SLC9A9: variants seen among roughly 807,000 people sequenced by gnomAD.
The protein encoded by SLC9A9 is solute carrier family 9 member A9.
SLC9A9 carries 62 observed loss-of-function variants against 77.8 expected under a neutral mutation model. That is an observed-to-expected ratio of 0.80 (90% CI 0.65 to 0.98). The LOEUF (loss-of-function observed/expected upper bound fraction) is 0.98. Among genes scored for constraint, SLC9A9 ranks in the 50% least tolerant of loss-of-function variants. SLC9A9 has a pLI of 0.00. For missense variants in SLC9A9, 775 were observed against 774.9 expected (o/e 1.00, Z 0.00); for synonymous variants, 320 against 283.5 (o/e 1.13, Z -1.29).
intron 14 of SLC9A9, among the ~76,000 whole-genome samples, chr3:143,333,875 G>GT (rs1244398699): frequency 1.3e-5 from 2 of 150,934 alleles, no homozygotes; most frequent in Non-Finnish European, 2.9e-5. Context: ...CTTTCCAGTT[G>GT]TTTTTTGTGG....
At chr3:143,817,144 TA>T (rs1358663210) in intron 2 of SLC9A9, among the ~76,000 whole-genome samples, 19 of 99,002 alleles carry the variant, frequency 1.9e-4, no homozygotes, top group South Asian at 4.4e-4. Context: ...TTTTTTTTTT[TA>T]TTTTTTTTTT....
rs78698200 is a variant in SLC9A9 at position 143,407,209 on chromosome 3, C to T, written c.1470-25095G>A. Among the ~76,000 whole-genome samples, 1,504 of 152,224 alleles carry T rather than the reference C, an allele frequency of 9.9e-3. 24 individuals carry two copies. The highest frequency in any genetic ancestry group is 0.035 in the African/African-American group (1,439 of 41,530). On this transcript the variant is annotated intron_variant, in intron 12 of 15. Coordinates refer to ENST00000316549, the MANE Select transcript of SLC9A9 (RefSeq NM_173653.4). ...AGAACACAATTGAGAATTCAGATCT[C>T]ATTTCTCATTTCTTACCTATATGGC...
chr3:143,367,196 C>T (rs1225804740), intron 13 of SLC9A9, among the ~76,000 whole-genome samples: 3 of 152,214 alleles, frequency 2.0e-5, no homozygotes, highest in African/African-American at 7.2e-5. Context: ...ATGGGAGCAA[C>T]ATACATTAGG....
intron 12 of SLC9A9, among the ~76,000 whole-genome samples, chr3:143,461,145 C>G (rs2035184117): frequency 6.6e-6 from 1 of 151,950 alleles, no homozygotes; most frequent in Admixed American, 6.6e-5. Context: ...TAAAAAGTTC[C>G]CAAGCAAAGA....
At chr3:143,640,801 G>A (rs191823926) in intron 6 of SLC9A9, among the ~76,000 whole-genome samples, 36 of 152,242 alleles carry the variant, frequency 2.4e-4, no homozygotes, top group East Asian at 1.2e-3. Flanking sequence ...GCAGTGAGCC[G>A]AGATCGTGCC....
At chr3:143,838,704 C>T (rs1013763293) in intron 1 of SLC9A9, among the ~76,000 whole-genome samples, 5 of 152,094 alleles carry the variant, frequency 3.3e-5, no homozygotes, top group African/African-American at 1.2e-4. Flanking sequence ...GAACTTTGTA[C>T]AATGCAAGAC....
chr3:143,706,441 C>T (rs1032359193), intron 4 of SLC9A9, among the ~76,000 whole-genome samples: 1 of 150,580 alleles, frequency 6.6e-6, no homozygotes, highest in Non-Finnish European at 1.5e-5. Flanking sequence ...ATCCATTTGG[C>T]CCACTCTACT....
chr3:143,842,425 AC>A (rs1230102218), intron 1 of SLC9A9, among the ~76,000 whole-genome samples: 7 of 152,330 alleles, frequency 4.6e-5, no homozygotes, highest in South Asian at 2.1e-4. Flanking sequence ...ACATAAAAAA[AC>A]ATACAGAGTG....
intron 2 of SLC9A9, among the ~76,000 whole-genome samples, chr3:143,801,880 C>T (rs2008572057): frequency 6.6e-6 from 1 of 152,148 alleles, no homozygotes; most frequent in Non-Finnish European, 1.5e-5. Context: ...GTTATATAGG[C>T]TGAAAGAGGT....
chr3:143,309,466 C>G lies in SLC9A9; in HGVS notation c.1605-40486G>C, dbSNP rs763808470. Among the ~76,000 whole-genome samples the G allele has an allele frequency of 6.5e-4, 96 of 148,756 alleles. 2 individuals are homozygous for G. The highest frequency in any genetic ancestry group is 1.1e-3 in the Admixed American group (16 of 14,960). The stretch of plus-strand genomic sequence containing the variant: ...TTGGGGTCACCAGATGATTTTTTTC[C>G]AAGTATGTCTCCATTTTTCTCAAAC... On this transcript the variant is annotated intron_variant, in intron 14 of 15. Coordinates refer to ENST00000316549, the MANE Select transcript of SLC9A9 (RefSeq NM_173653.4).
At position 143,643,447 on chromosome 3, in the gene SLC9A9, A is replaced by G. The variant is rs118010264; in HGVS notation, c.755+8808T>C. ...AGAGCTTTGCTCAAGTTGTATTACC[A>G]TGAGTGAACCTTTAGACAGGGTTCT... On this transcript the variant is annotated intron_variant, in intron 6 of 15. Transcript: ENST00000316549. Among the ~76,000 whole-genome samples, 79 of 152,348 alleles carry G rather than the reference A, an allele frequency of 5.2e-4. 2 individuals are homozygous for G. The East Asian group carries it at 0.012, about 23-fold the overall frequency.
At chr3:143,806,576 A>G (rs2008719233) in intron 2 of SLC9A9, among the ~76,000 whole-genome samples, 1 of 152,204 alleles carries the variant, frequency 6.6e-6, no homozygotes, top group Non-Finnish European at 1.5e-5. Context: ...TACCCACATC[A>G]CAGGTAAGGA....
At chr3:143,301,024 G>A (rs1200822203) in intron 14 of SLC9A9, among the ~76,000 whole-genome samples, 1 of 152,136 alleles carries the variant, frequency 6.6e-6, no homozygotes, top group African/African-American at 2.4e-5. Flanking sequence ...AGGCCCAGGA[G>A]AAACAGCATT....
At chr3:143,527,092 G>T (rs1311015948) in intron 9 of SLC9A9, among the ~76,000 whole-genome samples, 1 of 152,160 alleles carries the variant, frequency 6.6e-6, no homozygotes, top group Non-Finnish European at 1.5e-5. Context: ...TATACGACTT[G>T]TCTAATCCAC....
intron 6 of SLC9A9, among the ~76,000 whole-genome samples, chr3:143,607,996 A>G (rs1021228994): frequency 2.6e-5 from 4 of 152,178 alleles, no homozygotes; most frequent in Middle Eastern, 3.2e-3. Context: ...AAAAATGACA[A>G]CACCTCAAAG....
At chr3:143,479,425 A>T (rs189099982) in intron 11 of SLC9A9, among the ~76,000 whole-genome samples, 3,471 of 151,214 alleles carry the variant, frequency 0.023, 134 homozygotes, top group African/African-American at 0.08. Context: ...TTAAAAAAAA[A>T]TTTTTTTTGT....
intron 11 of SLC9A9, among the ~76,000 whole-genome samples, chr3:143,491,756 T>A (rs2035751195): frequency 1.3e-5 from 2 of 152,180 alleles, no homozygotes; most frequent in Non-Finnish European, 2.9e-5. Flanking sequence ...GCATTGTTTG[T>A]CAAATAAAGC....
chr3:143,789,937 C>T (rs2008167896), intron 4 of SLC9A9, among the ~76,000 whole-genome samples: 1 of 152,130 alleles, frequency 6.6e-6, no homozygotes, highest in Non-Finnish European at 1.5e-5. Flanking sequence ...GTTACCGAGT[C>T]CAGCATTCTA....
chr3:143,326,993 A>C (rs2031625299), intron 14 of SLC9A9, among the ~76,000 whole-genome samples: 1 of 152,212 alleles, frequency 6.6e-6, no homozygotes, highest in African/African-American at 2.4e-5. Context: ...ATCTGTCAGT[A>C]GATGGAGTAT....
Sources: gnomAD v4.1 joint callset for allele counts (sites outside exome capture counted in the v4.1 genomes callset) on GRCh38, gnomAD v4.1.1 for gene constraint, MANE v1.5 for transcripts, NCBI Gene and HGNC (gene_info 2026-07-23, HGNC 2026-07-21) for gene names.